Variants in NAALAD2 observed in about 807,000 individuals in gnomAD.
The protein encoded by NAALAD2 is N-acetylated alpha-linked acidic dipeptidase 2.
In NAALAD2, 89 loss-of-function variants were observed where a neutral mutation model predicts 95.6. The ratio of observed to expected loss-of-function variants is 0.93; its 90% confidence interval spans 0.78 to 1.11. The LOEUF is 1.11. Among genes scored for constraint, NAALAD2 ranks in the 50% least tolerant of loss-of-function variants. NAALAD2 has a pLI of 0.00. For synonymous variants in NAALAD2, 264 were observed against 294.4 expected (o/e 0.90, Z 1.06); for missense variants, 894 against 872.4 (o/e 1.02, Z -0.31).
chr11:90,157,993 A>C, intron 6 of NAALAD2, 152 bp from the exon 7 acceptor site: 1 of 589,758 alleles, frequency 1.7e-6, no homozygotes, highest in Non-Finnish European at 3.0e-6. Flanking sequence ...TGCTGGGATG[A>C]CAGGTGTGAG....
At chr11:90,155,141 T>C (rs901491108) in intron 6 of NAALAD2, among the ~76,000 whole-genome samples, 2 of 130,588 alleles carry the variant, frequency 1.5e-5, no homozygotes, top group African/African-American at 5.7e-5. Context: ...TACGTATACA[T>C]ATGTATATAT....
intron 16 of NAALAD2, 110 bp downstream of exon 16, chr11:90,178,227 T>A (rs745719566): frequency 3.0e-5 from 38 of 1,273,914 alleles, no homozygotes; most frequent in Non-Finnish European, 4.0e-5. Context: ...ATATTTGCCT[T>A]ACTTATTTTG....
At chr11:90,147,299 A>C (rs1161963101) in intron 2 of NAALAD2, 31 bp from the exon 3 acceptor site, 2 of 1,554,972 alleles carry the variant, frequency 1.3e-6, no homozygotes, top group South Asian at 2.3e-5. Context: ...CATAGTCTTT[A>C]ATGCCCTCTT....
chr11:90,191,160 T>C (rs1298246165), intron 18 of NAALAD2, among the ~76,000 whole-genome samples: 1 of 152,138 alleles, frequency 6.6e-6, no homozygotes, highest in Admixed American at 6.5e-5. Context: ...CTGTCATTCT[T>C]GTTTAATCTA....
chr11:90,170,427 G>A lies in NAALAD2; in HGVS notation c.1410+291G>A, dbSNP rs571851401. 7.5e-4 allele frequency among the ~76,000 whole-genome samples: 114 copies of A among 152,294 alleles called. 1 individual carries two copies. The highest frequency in any genetic ancestry group is 1.2e-3 in the Non-Finnish European group (84 of 68,008). ...ATATAGCAGAAAGAACACTGAGTTG[G>A]AATAGAAAGGCATACAGTTAAAAAA... On this transcript the variant is annotated intron_variant, in intron 13 of 18. Transcript: ENST00000534061.
At chr11:90,168,381 C>A (rs1187872873) in intron 11 of NAALAD2, among the ~76,000 whole-genome samples, 1 of 152,230 alleles carries the variant, frequency 6.6e-6, no homozygotes, top group African/African-American at 2.4e-5. Context: ...GTGGCACACA[C>A]CTGTAATCCC....
rs550044672 is a variant in NAALAD2, at chr11:90,147,808, G to A, written c.381+292G>A. Among the ~76,000 whole-genome samples the A allele has an allele frequency of 1.7e-3, 263 of 152,288 alleles. 2 individuals are homozygous for A. Among genetic ancestry groups the A allele is most frequent in the African/African-American group, 6.3e-3 (260 of 41,546 alleles). On this transcript the variant is annotated intron_variant, in intron 3 of 18. Transcript: ENST00000534061. ...ACCCAGAAAAGGGTCACTCAGCCCA[G>A]CCTGGGAGTTAGACAATGTTTCCTG...
At chr11:90,146,289 A>G (rs1401799703) in intron 2 of NAALAD2, among the ~76,000 whole-genome samples, 2 of 150,778 alleles carry the variant, frequency 1.3e-5, no homozygotes, top group Non-Finnish European at 3.0e-5. Flanking sequence ...AACTAAAAAA[A>G]AAAAAAAATT....
chr11:90,148,181 A>T (rs1222813507), intron 3 of NAALAD2, among the ~76,000 whole-genome samples: 1 of 152,222 alleles, frequency 6.6e-6, no homozygotes, highest in Non-Finnish European at 1.5e-5. Context: ...AACGTCCTCT[A>T]TGGATCACAC....
At chr11:90,133,190 A>G (rs1951379385), upstream of NAALAD2, among the ~76,000 whole-genome samples, 1 of 152,226 alleles carries the variant, frequency 6.6e-6, no homozygotes, top group Non-Finnish European at 1.5e-5. Flanking sequence ...AGTTTATCCT[A>G]GATATACTAC....
upstream of NAALAD2, among the ~76,000 whole-genome samples, chr11:90,134,111 G>A (rs1382066228): frequency 6.6e-6 from 1 of 152,164 alleles, no homozygotes; most frequent in African/African-American, 2.4e-5. Context: ...TTTTACTAAT[G>A]TGAACCTAAA....
intron 5 of NAALAD2, among the ~76,000 whole-genome samples, chr11:90,151,217 T>G (rs1266232607): frequency 6.6e-6 from 1 of 152,190 alleles, no homozygotes; most frequent in Non-Finnish European, 1.5e-5. Flanking sequence ...CAAAGTTTCC[T>G]CACATATAAA....
chr11:90,188,288 A>G (rs1857220811), intron 18 of NAALAD2, among the ~76,000 whole-genome samples: 1 of 152,254 alleles, frequency 6.6e-6, no homozygotes, highest in Non-Finnish European at 1.5e-5. Context: ...TGAATAAATC[A>G]GAAAACATTG....
Position 90,163,443 on chromosome 11 carries a change from C to G in NAALAD2, c.1195+14C>G, listed in dbSNP as rs1439995281. 13 of 1,613,650 alleles carry G rather than the reference C, an allele frequency of 8.1e-6. No individual in the cohort carries two copies. Among genetic ancestry groups the G allele is most frequent in the Non-Finnish European group, 1.1e-5 (13 of 1,179,882 alleles). ...TGATGAGTAAAGGTAAACAACCTTT[C>G]TTTCCTAGGTGATGACAAAAAGTGA... is the stretch of plus-strand genomic sequence containing the variant. On this transcript the variant is annotated intron_variant, in intron 10 of 18. Transcript: ENST00000534061.
At chr11:90,158,301 G>A (rs753143884) in intron 7 of NAALAD2, 63 bp downstream of exon 7, 1 of 1,197,534 alleles carries the variant, frequency 8.4e-7, no homozygotes, top group Non-Finnish European at 1.2e-6. Context: ...TTTTCTCATT[G>A]AAAACCAATA....
At position 90,149,124 on chromosome 11, in the gene NAALAD2, T is replaced by G; in HGVS notation, c.483+17T>G. ...ATGCCAGAGGTAAAATAAAATACTT[T>G]TGTAATCCAAGTCTTTAAATGGTTC... is the stretch of plus-strand genomic sequence containing the variant. On this transcript the variant is annotated intron_variant, in intron 4 of 18. Transcript: ENST00000534061. The G allele has an allele frequency of 6.7e-7, 1 of 1,498,228 alleles. No homozygotes were observed. The highest frequency in any genetic ancestry group is 9.2e-7 in the Non-Finnish European group (1 of 1,086,800). The allele number at this position is 1,498,228 out of a possible 1,614,324, so 92.8% of individuals were successfully genotyped here.
At chr11:90,157,739 T>C (rs74963850) in intron 6 of NAALAD2, among the ~76,000 whole-genome samples, 1 of 151,948 alleles carries the variant, frequency 6.6e-6, no homozygotes. Flanking sequence ...TTTTTTTTTT[T>C]CAGACAGAGT....
intron 16 of NAALAD2, 75 bp downstream of exon 16, chr11:90,178,192 T>A: frequency 7.0e-7 from 1 of 1,436,706 alleles, no homozygotes. Flanking sequence ...TGATGATCAA[T>A]GCATATTGTT....
rs373928897 is a variant in NAALAD2, at chr11:90,137,770, AT to A, written c.194+2107del. On this transcript the variant is annotated intron_variant, in intron 2 of 18. Transcript: ENST00000534061. Reference sequence around the variant, plus strand: ...AGACATGCATCACCACACCCAGCTAATTTTTTTATTTTTGTTTATTTTATTT... The same window carrying A: ...AGACATGCATCACCACACCCAGCTAATTTTTTATTTTTGTTTATTTTATTT... Among the ~76,000 whole-genome samples the A allele has an allele frequency of 5.5e-3, 830 of 152,006 alleles. 8 individuals carry two copies. The highest frequency in any genetic ancestry group is 0.019 in the African/African-American group (791 of 41,454).
Sources: allele counts gnomAD v4.1 joint callset (sites outside exome capture counted in the v4.1 genomes callset), GRCh38; gene constraint gnomAD v4.1.1; transcripts MANE v1.5; gene names NCBI Gene and HGNC (gene_info 2026-07-23, HGNC 2026-07-21).